SRPK2: variants seen among roughly 807,000 people sequenced by gnomAD.
SRPK2 encodes SRSF protein kinase 2, also known as SFRS protein kinase 2.
Under a neutral mutation model 90.8 loss-of-function variants are expected in SRPK2, and 21 were observed. That is an observed-to-expected ratio of 0.23 (90% CI 0.16 to 0.33). The LOEUF (loss-of-function observed/expected upper bound fraction) is 0.33. Among genes scored for constraint, SRPK2 ranks in the 10% least tolerant of loss-of-function variants. The pLI is 1.00. For synonymous variants in SRPK2, 288 were observed against 311.1 expected (o/e 0.93, Z 0.78); for missense variants, 620 against 869.0 (o/e 0.71, Z 3.60).
intron 2 of SRPK2, among the ~76,000 whole-genome samples, chr7:105,226,703 G>A (rs905446063): frequency 6.6e-6 from 1 of 152,018 alleles, no homozygotes; most frequent in African/African-American, 2.4e-5. Context: ...CAGACTTAAG[G>A]ATAAGACAGT....
At chr7:105,387,987 C>T (rs1821827273) in intron 2 of SRPK2, among the ~76,000 whole-genome samples, 1 of 151,942 alleles carries the variant, frequency 6.6e-6, no homozygotes, top group Non-Finnish European at 1.5e-5. Context: ...CCCCGGCGCC[C>T]GCAGCGCACC....
chr7:105,386,808 C>T (rs993419082), intron 2 of SRPK2, among the ~76,000 whole-genome samples: 1 of 152,192 alleles, frequency 6.6e-6, no homozygotes, highest in Non-Finnish European at 1.5e-5. Flanking sequence ...GGGCTGGTCC[C>T]GTTACCTTAC....
intron 2 of SRPK2, among the ~76,000 whole-genome samples, chr7:105,234,871 A>G (rs1799935500): frequency 1.3e-5 from 2 of 152,378 alleles, no homozygotes; most frequent in South Asian, 4.1e-4. Flanking sequence ...ACAGAATTTC[A>G]AAGAACACAT....
chr7:105,160,632 T>C lies in SRPK2; in HGVS notation c.515-19A>G, dbSNP rs1807472781. 1.3e-6 allele frequency: 2 copies of C among 1,502,150 alleles called. No individual in the cohort carries two copies. The highest frequency in any genetic ancestry group is 2.8e-5 in the African/African-American group (2 of 72,692). 93.1% of individuals were successfully genotyped at this position (1,502,150 alleles called of 1,614,324 possible). On this transcript the variant is annotated intron_variant, in intron 6 of 15. Coordinates refer to ENST00000393651, the MANE Select transcript of SRPK2 (RefSeq NM_182692.3). ...CAGACATCTGGGACACAGTTAAGGATCGTTTGTGGATGCACTGCCTGGAGT... is the reference window on the plus strand; with the variant it reads ...CAGACATCTGGGACACAGTTAAGGACCGTTTGTGGATGCACTGCCTGGAGT...
rs986356688 is a variant in SRPK2 at position 105,123,530 on chromosome 7, GA to G, written c.1915+2717del. Among the ~76,000 whole-genome samples, 12 of 151,798 alleles carry G rather than the reference GA, an allele frequency of 7.9e-5. 1 individual carries two copies. Among genetic ancestry groups the G allele is most frequent in the Middle Eastern group, 6.8e-3 (2 of 294 alleles). On this transcript the variant is annotated intron_variant, in intron 15 of 15. Transcript: ENST00000393651. ...GCACAAAGTATTTTAGCTATTTTAGGAAAAAAAATTTAAATGGATATTTTTA... is the reference window on the plus strand; with the variant it reads ...GCACAAAGTATTTTAGCTATTTTAGGAAAAAAATTTAAATGGATATTTTTA...
At chr7:105,296,148 A>G (rs929177834) in intron 2 of SRPK2, among the ~76,000 whole-genome samples, 2 of 152,158 alleles carry the variant, frequency 1.3e-5, no homozygotes, top group African/African-American at 4.8e-5. Context: ...TCCATAAACT[A>G]CTCCACAAGT....
At chr7:105,217,308 GA>G (rs952023051) in intron 2 of SRPK2, among the ~76,000 whole-genome samples, 15 of 151,122 alleles carry the variant, frequency 9.9e-5, no homozygotes, top group South Asian at 4.2e-4. Context: ...TATTTGGTGA[GA>G]AAAAAAAAGA....
intron 7 of SRPK2, chr7:105,160,271 C>CA (rs763590604): frequency 2.0e-5 from 6 of 305,692 alleles, no homozygotes; most frequent in Middle Eastern, 1.8e-3. Flanking sequence ...AAACGACAGG[C>CA]AAAAAACGTA....
intron 2 of SRPK2, among the ~76,000 whole-genome samples, chr7:105,352,095 C>T (rs545905127): frequency 6.6e-6 from 1 of 152,286 alleles, no homozygotes; most frequent in African/African-American, 2.4e-5. Context: ...GAGCAAGCAG[C>T]AGAGCTGGGT....
intron 2 of SRPK2, among the ~76,000 whole-genome samples, chr7:105,330,269 G>C (rs1814143058): frequency 6.6e-6 from 1 of 151,426 alleles, no homozygotes; most frequent in Admixed American, 6.6e-5. Flanking sequence ...CCCAGGAGGT[G>C]GAGCTTGCAG....
chr7:105,341,242 T>C (rs1219496032), intron 2 of SRPK2, among the ~76,000 whole-genome samples: 2 of 150,464 alleles, frequency 1.3e-5, no homozygotes, highest in East Asian at 4.0e-4. Flanking sequence ...CGCAGGCCTA[T>C]AATCCCAGCT....
chr7:105,278,098 T>C (rs1258113288), intron 2 of SRPK2, among the ~76,000 whole-genome samples: 1 of 151,532 alleles, frequency 6.6e-6, no homozygotes, highest in African/African-American at 2.4e-5. Flanking sequence ...GGCAGATCAC[T>C]TGAGATCAGG....
chr7:105,290,208 A>C (rs1563198799), intron 2 of SRPK2, among the ~76,000 whole-genome samples: 1 of 152,132 alleles, frequency 6.6e-6, no homozygotes, highest in Non-Finnish European at 1.5e-5. Context: ...AAAAAAAAAA[A>C]AAAAATGGCA....
intron 2 of SRPK2, among the ~76,000 whole-genome samples, chr7:105,384,644 C>T (rs779920149): frequency 5.3e-5 from 8 of 152,026 alleles, no homozygotes; most frequent in Non-Finnish European, 7.4e-5. Flanking sequence ...AAGCAAAAAC[C>T]GTGCTTCAAG....
chr7:105,120,192 C>G (rs541837774), intron 15 of SRPK2, among the ~76,000 whole-genome samples: 1 of 152,100 alleles, frequency 6.6e-6, no homozygotes, highest in African/African-American at 2.4e-5. Flanking sequence ...GGAAAGGGAG[C>G]GAACTTTTAT....
At chr7:105,313,432 G>A (rs942950595) in intron 2 of SRPK2, among the ~76,000 whole-genome samples, 2 of 138,410 alleles carry the variant, frequency 1.4e-5, no homozygotes, top group Non-Finnish European at 3.1e-5. Context: ...GGGCAACAGA[G>A]TGAGACTCCA....
chr7:105,252,048 T>A (rs992565943), intron 2 of SRPK2, among the ~76,000 whole-genome samples: 11 of 152,224 alleles, frequency 7.2e-5, no homozygotes. Flanking sequence ...TTAAAACTGT[T>A]TTATGTTAGT....
chr7:105,329,589 G>A (rs1231527908), intron 2 of SRPK2, among the ~76,000 whole-genome samples: 5 of 147,380 alleles, frequency 3.4e-5, no homozygotes, highest in East Asian at 2.0e-4. Context: ...GTGAGACTCC[G>A]TCTCAAAAAA....
chr7:105,129,214 G>A (rs113117338), intron 13 of SRPK2, among the ~76,000 whole-genome samples: 60,960 of 152,046 alleles, frequency 0.4, 14,043 homozygotes, highest in South Asian at 0.55. Flanking sequence ...GATTACAGGC[G>A]TGAGCCACCA....
Sources: gnomAD v4.1 joint callset for allele counts (sites outside exome capture counted in the v4.1 genomes callset) on GRCh38, gnomAD v4.1.1 for gene constraint, MANE v1.5 for transcripts, NCBI Gene and HGNC (gene_info 2026-07-23, HGNC 2026-07-21) for gene names.